The following SYT16 variants were observed in gnomAD, a reference collection of about 807,000 sequenced individuals.
SYT16 encodes the protein synaptotagmin-16.
SYT16 carries 42 observed loss-of-function variants against 61.4 expected under a neutral mutation model. The observed-to-expected ratio is 0.68, with a 90% CI of 0.53 to 0.89. SYT16 has a LOEUF of 0.89. SYT16 is among the 40% of genes least tolerant of loss of function. The pLI is 0.00. For missense variants in SYT16, 804 were observed against 807.3 expected, an observed-to-expected ratio of 1.00 and a Z score of 0.05; for synonymous variants, 314 against 302.3, an observed-to-expected ratio of 1.04 and a Z score of -0.40.
At chr14:61,939,446 C>G (rs2050122079) in intron 1 of SYT16, among the ~76,000 whole-genome samples, 1 of 152,216 alleles carries the variant, frequency 6.6e-6, no homozygotes, top group Non-Finnish European at 1.5e-5. Flanking sequence ...GATCTATTTT[C>G]TCACAGTCCT....
rs1406365347 is a variant in SYT16 at position 62,102,736 on chromosome 14, T to G, written c.*2029T>G. On this transcript the variant is annotated 3_prime_UTR_variant, in exon 8 of 8. Transcript: ENST00000683842. ...TTAAAATTTACATTTGAAAAAAATC[T>G]GTATATATTGTACAGACAGCCCTGA... The G allele has an allele frequency of 6.6e-6, 1 of 152,226 alleles. No homozygotes were observed. The highest frequency in any genetic ancestry group is 1.5e-5 in the Non-Finnish European group (1 of 68,038). The allele number at this position is 152,226 out of a possible 1,614,324, so 9.4% of individuals were successfully genotyped here. A position where few individuals can be genotyped will look rare whatever the true frequency, so the allele number is the denominator to read the frequency against.
At chr14:61,906,743 A>ATCCATCCATCCT (rs1555355228) in intron 1 of SYT16, among the ~76,000 whole-genome samples, 2,450 of 149,480 alleles carry the variant, frequency 0.016, 56 homozygotes, top group East Asian at 0.068. Context: ...CCATCCATCC[A>ATCCATCCATCCT]TCCATCCTTC....
At chr14:62,002,052 G>C (rs990921249) in intron 3 of SYT16, among the ~76,000 whole-genome samples, 4 of 151,940 alleles carry the variant, frequency 2.6e-5, no homozygotes, top group African/African-American at 9.7e-5. Context: ...CAATATCTGA[G>C]TCATATTTGA....
intron 1 of SYT16, among the ~76,000 whole-genome samples, chr14:61,947,227 G>A (rs911868709): frequency 2.7e-5 from 4 of 149,722 alleles, no homozygotes; most frequent in African/African-American, 9.9e-5. Flanking sequence ...ATATTGCTGG[G>A]TATTTTCGGT....
chr14:61,953,797 A>T (rs1387253586), intron 1 of SYT16, among the ~76,000 whole-genome samples: 2 of 152,052 alleles, frequency 1.3e-5, no homozygotes, highest in African/African-American at 2.4e-5. Context: ...GGTCACCTCT[A>T]CTCTGACCTT....
chr14:62,001,229 TTTA>T (rs1432550819), intron 3 of SYT16, among the ~76,000 whole-genome samples: 1 of 152,152 alleles, frequency 6.6e-6, no homozygotes, highest in Non-Finnish European at 1.5e-5. Flanking sequence ...ATTATTTTTA[TTTA>T]TTACCTTCAT....
intron 1 of SYT16, among the ~76,000 whole-genome samples, chr14:61,965,225 C>T (rs2051267387): frequency 6.6e-6 from 1 of 152,120 alleles, no homozygotes; most frequent in South Asian, 2.1e-4. Context: ...TTAGGCAATC[C>T]TATAAGTCTT....
At chr14:61,866,737 C>T (rs1337415869) in intron 1 of SYT16, among the ~76,000 whole-genome samples, 1 of 152,054 alleles carries the variant, frequency 6.6e-6, no homozygotes, top group Non-Finnish European at 1.5e-5. Flanking sequence ...TAACAGCATG[C>T]TTTAAAGAGT....
At chr14:62,069,011 G>A (rs1396162967) in intron 3 of SYT16, among the ~76,000 whole-genome samples, 1 of 152,142 alleles carries the variant, frequency 6.6e-6, no homozygotes, top group Admixed American at 6.5e-5. Context: ...GGCCAGGCTG[G>A]TCTGGAACTC....
chr14:62,084,375 C>T lies in SYT16; in HGVS notation c.1614C>T (p.Asn538=), dbSNP rs2056816725. 6.2e-7 allele frequency: 1 copy of T among 1,611,906 alleles called. No homozygotes were observed. The highest frequency in any genetic ancestry group is 1.1e-5 in the South Asian group (1 of 90,954). Residue 538 remains asparagine, a synonymous_variant, in exon 7 of 8, where the codon AAC becomes AAT. Transcript: ENST00000683842. ...KGSHFRNLAV[N]RAPDTYGKLF... is the part of the protein sequence containing the mutation. Reference sequence around the variant, plus strand: ...GCCATTTCCGAAACCTCGCTGTTAACCGAGCACCTGGTAAGTGTGAGTCTG... The same window carrying T: ...GCCATTTCCGAAACCTCGCTGTTAATCGAGCACCTGGTAAGTGTGAGTCTG...
chr14:61,958,140 C>T (rs759858868), intron 1 of SYT16, among the ~76,000 whole-genome samples: 32 of 151,224 alleles, frequency 2.1e-4, no homozygotes, highest in Non-Finnish European at 4.3e-4. Flanking sequence ...TAATATCTTC[C>T]CTTTCATTTC....
intron 3 of SYT16, among the ~76,000 whole-genome samples, chr14:62,030,264 C>A (rs1193306684): frequency 1.3e-5 from 2 of 152,160 alleles, no homozygotes; most frequent in African/African-American, 2.4e-5. Context: ...TGATCAATTC[C>A]TTTTCAGTCG....
intron 7 of SYT16, among the ~76,000 whole-genome samples, chr14:62,092,225 C>CACACCAT (rs1365679417): frequency 7.1e-6 from 1 of 140,732 alleles, no homozygotes; most frequent in Non-Finnish European, 1.5e-5. Flanking sequence ...CACACACACA[C>CACACCAT]ACTAACAAGT....
intron 7 of SYT16, among the ~76,000 whole-genome samples, chr14:62,091,814 G>C (rs754474465): frequency 6.6e-6 from 1 of 152,168 alleles, no homozygotes; most frequent in African/African-American, 2.4e-5. Context: ...TCTTGGATAT[G>C]ACAACAAATG....
At chr14:61,864,804 G>A in intron 1 of SYT16, 2 of 957,238 alleles carry the variant, frequency 2.1e-6, no homozygotes, top group South Asian at 1.5e-5. Context: ...CGCCTGGAGG[G>A]CTAAATCACA....
At chr14:62,047,327 A>G (rs1243260701) in intron 3 of SYT16, among the ~76,000 whole-genome samples, 1 of 152,188 alleles carries the variant, frequency 6.6e-6, no homozygotes, top group East Asian at 1.9e-4. Context: ...TTGATTTTGT[A>G]TCCTGAGACT....
At chr14:62,002,382 TCCA>T (rs1379892954) in intron 3 of SYT16, among the ~76,000 whole-genome samples, 1 of 152,148 alleles carries the variant, frequency 6.6e-6, no homozygotes, top group Non-Finnish European at 1.5e-5. Flanking sequence ...CAATATTGGC[TCCA>T]TCTTTAACAT....
chr14:62,030,803 A>G (rs910900654), intron 3 of SYT16, among the ~76,000 whole-genome samples: 1 of 152,230 alleles, frequency 6.6e-6, no homozygotes, highest in Admixed American at 6.5e-5. Flanking sequence ...TTTTGTATTT[A>G]TAAAATGAAA....
rs370130270 is a variant in SYT16 at position 62,027,762 on chromosome 14, A to G, written c.523+31220A>G. On this transcript the variant is annotated intron_variant, in intron 3 of 7. Coordinates refer to ENST00000683842, the MANE Select transcript of SYT16 (RefSeq NM_001367656.1). The stretch of plus-strand genomic sequence containing the variant: ...ATCAGACATGGATCCCTGATTGGAA[A>G]TACATCTCAAGTCTGTAGTCAGCCA... 2.6e-3 allele frequency among the ~76,000 whole-genome samples: 402 copies of G among 152,268 alleles called. 3 individuals carry two copies. Among genetic ancestry groups the G allele is most frequent in the African/African-American group, 8.1e-3 (336 of 41,546 alleles).
Sources: gnomAD v4.1 joint callset for allele counts (sites outside exome capture counted in the v4.1 genomes callset) on GRCh38, gnomAD v4.1.1 for gene constraint, MANE v1.5 for transcripts, NCBI Gene and HGNC (gene_info 2026-07-23, HGNC 2026-07-21) for gene names.